Variants in ESRRG observed in about 807,000 individuals in gnomAD.
ESRRG encodes estrogen-related receptor gamma.
A neutral mutation model predicts 44.0 loss-of-function variants in ESRRG; 13 were observed. The ratio of observed to expected loss-of-function variants is 0.30; its 90% CI spans 0.19 to 0.47. The LOEUF is 0.47. Among genes scored for constraint, ESRRG ranks in the 20% least tolerant of loss-of-function variants. The pLI, the probability that ESRRG is intolerant of heterozygous loss-of-function variation, is 1.00. For synonymous variants in ESRRG, 215 were observed against 214.6 expected (o/e 1.00, Z -0.02); for missense variants, 395 against 580.6 (o/e 0.68, Z 3.29).
intron 2 of ESRRG, among the ~76,000 whole-genome samples, chr1:216,655,252 G>A (rs1278914040): frequency 6.6e-6 from 1 of 152,156 alleles, no homozygotes; most frequent in Non-Finnish European, 1.5e-5. Flanking sequence ...GGCTGGTTTG[G>A]ATTAGAGAGA....
chr1:216,605,805 G>C (rs553186465), intron 3 of ESRRG, among the ~76,000 whole-genome samples: 1 of 150,334 alleles, frequency 6.7e-6, no homozygotes, highest in African/African-American at 2.4e-5. Context: ...AAAAGTAAAC[G>C]AAAGACTGGG....
chr1:216,528,084 C>A (rs2048221476), intron 5 of ESRRG, among the ~76,000 whole-genome samples: 1 of 152,114 alleles, frequency 6.6e-6, no homozygotes. Context: ...GACTGGCTTT[C>A]AAAAAGATGC....
intron 2 of ESRRG, among the ~76,000 whole-genome samples, chr1:216,774,735 TA>T (rs1041366948): frequency 1.1e-4 from 17 of 151,148 alleles, no homozygotes; most frequent in African/African-American, 4.1e-4. Flanking sequence ...GAACAGAGTC[TA>T]AAAAGGAATA....
intron 1 of ESRRG, among the ~76,000 whole-genome samples, chr1:217,027,512 T>A (rs1233770252): frequency 6.6e-6 from 1 of 152,168 alleles, no homozygotes; most frequent in Non-Finnish European, 1.5e-5. Context: ...TAATTGCTCT[T>A]GCCAGTTAGC....
At chr1:216,552,664 A>G (rs1331951099) in intron 5 of ESRRG, among the ~76,000 whole-genome samples, 1 of 152,156 alleles carries the variant, frequency 6.6e-6, no homozygotes, top group Non-Finnish European at 1.5e-5. Context: ...CTACAAAGAC[A>G]GTACGTTGCT....
chr1:217,136,618 G>T (rs961095390), intron 1 of ESRRG, among the ~76,000 whole-genome samples: 1 of 152,148 alleles, frequency 6.6e-6, no homozygotes, highest in Non-Finnish European at 1.5e-5. Context: ...GCTCACATCT[G>T]CAGACCCAAC....
At chr1:216,541,452 C>T (rs1241442723) in intron 5 of ESRRG, among the ~76,000 whole-genome samples, 1 of 151,752 alleles carries the variant, frequency 6.6e-6, no homozygotes, top group Admixed American at 6.6e-5. Flanking sequence ...TTATCATTTC[C>T]TGTATGTTGT....
chr1:217,088,900 A>G (rs1258271365), intron 1 of ESRRG, among the ~76,000 whole-genome samples: 1 of 152,094 alleles, frequency 6.6e-6, no homozygotes, highest in East Asian at 1.9e-4. Context: ...ATGGTTTAAA[A>G]TAGTTAAATG....
intron 5 of ESRRG, among the ~76,000 whole-genome samples, chr1:216,535,499 A>C (rs1381044382): frequency 6.6e-6 from 1 of 152,136 alleles, no homozygotes; most frequent in Non-Finnish European, 1.5e-5. Flanking sequence ...AGGACATCAG[A>C]TATAAATACC....
At chr1:216,583,046 A>C (rs947409421) in intron 3 of ESRRG, among the ~76,000 whole-genome samples, 2 of 151,646 alleles carry the variant, frequency 1.3e-5, no homozygotes, top group African/African-American at 2.4e-5. Flanking sequence ...TGTTTGAAGA[A>C]AAAAAAAACT....
chr1:216,876,254 C>T (rs1398285630), intron 2 of ESRRG, among the ~76,000 whole-genome samples: 3 of 151,958 alleles, frequency 2.0e-5, no homozygotes, highest in African/African-American at 7.2e-5. Context: ...CAAAGAGACC[C>T]AATAGATCTT....
chr1:216,959,314 T>A (rs1429095711), intron 1 of ESRRG, among the ~76,000 whole-genome samples: 1 of 145,654 alleles, frequency 6.9e-6, no homozygotes, highest in East Asian at 2.0e-4. Flanking sequence ...TAACTATATT[T>A]TAAAAGCGGC....
At chr1:216,682,883 C>A (rs986742247) in intron 1 of ESRRG, among the ~76,000 whole-genome samples, 5 of 152,072 alleles carry the variant, frequency 3.3e-5, no homozygotes, top group African/African-American at 4.8e-5. Flanking sequence ...TTTTTTCCCC[C>A]CTGCTTCAAC....
intron 3 of ESRRG, among the ~76,000 whole-genome samples, chr1:216,580,222 A>AT (rs1476617082): frequency 6.6e-6 from 1 of 152,184 alleles, no homozygotes; most frequent in Non-Finnish European, 1.5e-5. Flanking sequence ...CACTATGATG[A>AT]TTTTTGTTTT....
chr1:216,846,963 TAAGAA>T (rs990785452), intron 2 of ESRRG, among the ~76,000 whole-genome samples: 16 of 152,134 alleles, frequency 1.1e-4, no homozygotes, highest in Admixed American at 2.6e-4. Context: ...GTCACTAAAC[TAAGAA>T]AAGACAATTT....
chr1:217,092,593 A>G (rs2092364981), upstream of ESRRG, among the ~76,000 whole-genome samples: 1 of 152,180 alleles, frequency 6.6e-6, no homozygotes, highest in South Asian at 2.1e-4. Context: ...TCACTGAGCC[A>G]TGGTTCAGTC....
intron 1 of ESRRG, among the ~76,000 whole-genome samples, chr1:217,050,149 C>A (rs2085644754): frequency 6.6e-6 from 1 of 152,110 alleles, no homozygotes; most frequent in Non-Finnish European, 1.5e-5. Flanking sequence ...GATCCTCTGA[C>A]CTGGACCTCA....
chr1:216,753,251 T>A (rs1281112127), intron 2 of ESRRG, among the ~76,000 whole-genome samples: 1 of 151,902 alleles, frequency 6.6e-6, no homozygotes, highest in African/African-American at 2.4e-5. Flanking sequence ...TTTCTTGTAT[T>A]CCTGTATCGA....
intron 2 of ESRRG, among the ~76,000 whole-genome samples, chr1:216,760,656 G>A (rs990784137): frequency 6.6e-6 from 1 of 152,020 alleles, no homozygotes; most frequent in Admixed American, 6.6e-5. Flanking sequence ...AGGACATTTT[G>A]AATGGAGTTT....
Sources: allele counts gnomAD v4.1 joint callset (sites outside exome capture counted in the v4.1 genomes callset), GRCh38; gene constraint gnomAD v4.1.1; transcripts MANE v1.5; gene names NCBI Gene and HGNC (gene_info 2026-07-23, HGNC 2026-07-21).